PITPNM1: variants seen among roughly 807,000 people sequenced by gnomAD.
The protein encoded by PITPNM1 is phosphatidylinositol transfer protein membrane associated 1, also known as membrane-associated phosphatidylinositol transfer protein 1.
Under a neutral mutation model 133.3 loss-of-function variants are expected in PITPNM1, and 74 were observed. The ratio of observed to expected loss-of-function variants is 0.56; its 90% confidence interval spans 0.46 to 0.67. The LOEUF is 0.67. Among genes scored for constraint, PITPNM1 ranks in the 30% least tolerant of loss-of-function variants. The pLI is 0.00. For synonymous variants in PITPNM1, 738 were observed against 741.4 expected (o/e 1.00, Z 0.08); for missense variants, 1,398 against 1,739.5 (o/e 0.80, Z 3.49).
intron 7 of PITPNM1, 27 bp from the exon 8 acceptor site, chr11:67,499,857 G>A: frequency 1.3e-6 from 2 of 1,590,382 alleles, no homozygotes; most frequent in South Asian, 1.1e-5. Context: ...CTGTGTCATG[G>A]GGTGGGAGGA....
chr11:67,501,755 G>T, intron 5 of PITPNM1, 107 bp downstream of exon 5: 1 of 982,026 alleles, frequency 1.0e-6, no homozygotes, highest in Non-Finnish European at 1.5e-6. Context: ...AAATGGAAAC[G>T]ATGGCTTTCT....
intron 12 of PITPNM1, 100 bp from the exon 13 acceptor site, chr11:67,497,779 G>A: frequency 1.3e-6 from 2 of 1,526,272 alleles, no homozygotes; most frequent in Non-Finnish European, 8.9e-7. Flanking sequence ...GGGCAGAGCA[G>A]AATTCCAGAG....
Position 67,501,975 on chromosome 11 carries a change from C to T in PITPNM1, c.527G>A (p.Trp176Ter), listed in dbSNP as rs1193666308. 6 of 1,613,458 alleles carry T rather than the reference C, an allele frequency of 3.7e-6. No homozygotes were observed. The highest frequency in any genetic ancestry group is 5.1e-6 in the Non-Finnish European group (6 of 1,180,028). ...KTGRGPLSDD[W>*]ARTAAQTGPL... ...CCCCGTCTGTGCCGCCGTCCGTGCCCAGTCATCAGACAGTGGCCCTCGGCC... is the reference window on the plus strand; with the variant it reads ...CCCCGTCTGTGCCGCCGTCCGTGCCTAGTCATCAGACAGTGGCCCTCGGCC... The change falls in exon 5 of 24, where the codon TGG becomes TAG. Residue 176 changes from tryptophan to a stop codon, truncating the protein, a stop_gained. Coordinates refer to ENST00000356404, the MANE Select transcript of PITPNM1 (RefSeq NM_004910.3). LOFTEE classifies it high-confidence loss of function.
intron 15 of PITPNM1, 64 bp from the exon 16 acceptor site, chr11:67,495,666 G>T: frequency 7.0e-7 from 1 of 1,431,778 alleles, no homozygotes; most frequent in South Asian, 1.4e-5. Flanking sequence ...TCTCACCCAG[G>T]GCTCCCCGCA....
chr11:67,495,268 C>T, intron 16 of PITPNM1, 43 bp from the exon 17 acceptor site: 4 of 1,540,062 alleles, frequency 2.6e-6, no homozygotes, highest in East Asian at 2.3e-5. Flanking sequence ...TCCTGCCCCA[C>T]ACCCATCTGC....
chr11:67,497,430 C>CT lies in PITPNM1; in HGVS notation c.1946dup (p.Ala650GlyfsTer29). The stretch of plus-strand genomic sequence containing the variant: ...AGGAGGAGGTGGTTGCGGGGGCTGC[C>CT]TGAAGGCTGTGGGGGAGGAGGGGTG... On this transcript the variant is annotated frameshift_variant, in exon 14 of 24. Transcript: ENST00000356404. LOFTEE classifies it high-confidence loss of function. The CT allele has an allele frequency of 6.3e-7, 1 of 1,589,852 alleles. No homozygotes were observed. Among genetic ancestry groups the CT allele is most frequent in the Non-Finnish European group, 8.6e-7 (1 of 1,165,872 alleles).
chr11:67,492,698 G>A (rs996876993), intron 23 of PITPNM1, among the ~76,000 whole-genome samples: 1 of 152,260 alleles, frequency 6.6e-6, no homozygotes, highest in African/African-American at 2.4e-5. Context: ...AGCCATGGCC[G>A]AGTGGAACCA....
intron 18 of PITPNM1, 87 bp downstream of exon 18, chr11:67,494,759 G>A (rs1449499495): frequency 3.8e-6 from 3 of 784,570 alleles, no homozygotes; most frequent in African/African-American, 3.3e-5. Context: ...ACCCGAGGAG[G>A]GGGGTGCTGG....
chr11:67,498,329 G>A lies in PITPNM1; in HGVS notation c.1485-7C>T, dbSNP rs370713668. On this transcript the variant is annotated splice_region_variant and splice_polypyrimidine_tract_variant and intron_variant, in intron 10 of 23. Transcript: ENST00000356404. This position sits in a 1 kb window ranked among gnomAD's most constrained non-coding sequence, Gnocchi z 5.7. ...GTGGCTGTAAGGGCTCAGGCTGTAG[G>A]AGGGGGAAATGTGCGTGGGTGAGGG... 1.3e-6 allele frequency: 2 copies of A among 1,557,400 alleles called. No individual in the cohort carries two copies. The highest frequency in any genetic ancestry group is 2.4e-5 in the South Asian group (2 of 82,956).
In PITPNM1 at chr11:67,498,849, G is replaced by C; in HGVS notation, c.1234-3C>G. On this transcript the variant is annotated splice_polypyrimidine_tract_variant and splice_region_variant and intron_variant, in intron 9 of 23. Coordinates refer to ENST00000356404, the MANE Select transcript of PITPNM1 (RefSeq NM_004910.3). The surrounding 1 kb of genome is among the most constrained non-coding windows in gnomAD (Gnocchi z 5.7). Reference sequence around the variant, plus strand: ...AGCTCCCCGGCTCCATCCAGGCCCTGGGGGGAACAATGGGGTGCAGTGGGT... The same window carrying C: ...AGCTCCCCGGCTCCATCCAGGCCCTCGGGGGAACAATGGGGTGCAGTGGGT... 6.2e-7 allele frequency: 1 copy of C among 1,609,368 alleles called. No homozygotes were observed. The highest frequency in any genetic ancestry group is 8.5e-7 in the Non-Finnish European group (1 of 1,176,976).
intron 14 of PITPNM1, chr11:67,496,756 A>G: frequency 5.0e-6 from 1 of 200,944 alleles, no homozygotes; most frequent in Non-Finnish European, 9.9e-6. Flanking sequence ...CCAACATGGC[A>G]AAACCCTGTC....
At chr11:67,503,627 T>G (rs1333828454) in intron 2 of PITPNM1, among the ~76,000 whole-genome samples, 11 of 152,168 alleles carry the variant, frequency 7.2e-5, no homozygotes, top group Admixed American at 7.2e-4. Flanking sequence ...ACCCGGCCAC[T>G]GCTGAGGGCC....
rs1166888465 is a variant in PITPNM1, at chr11:67,502,191, C to T, written c.415+101G>A. On this transcript the variant is annotated intron_variant, in intron 4 of 23. Coordinates refer to ENST00000356404, the MANE Select transcript of PITPNM1 (RefSeq NM_004910.3). The surrounding 1 kb of genome is among the most constrained non-coding windows in gnomAD (Gnocchi z 5.9). The stretch of plus-strand genomic sequence containing the variant: ...AGTTCCCGTCCTTTTGCAGACAGGA[C>T]ATGAGGCCTGGAGAGGGCTGGGACT... The T allele has an allele frequency of 1.9e-6, 3 of 1,561,292 alleles. No individual in the cohort carries two copies. The highest frequency in any genetic ancestry group is 2.6e-6 in the Non-Finnish European group (3 of 1,148,264).
chr11:67,498,356 C>A lies in PITPNM1; in HGVS notation c.1485-34G>T. ...GGGGGAAATGTGCGTGGGTGAGGGG[C>A]TTCCAGACCCACTCCTGCCATCCAA... is the stretch of plus-strand genomic sequence containing the variant. On this transcript the variant is annotated intron_variant, in intron 10 of 23. Transcript: ENST00000356404. The surrounding 1 kb of genome is among the most constrained non-coding windows in gnomAD (Gnocchi z 5.7). 6.7e-7 allele frequency: 1 copy of A among 1,499,598 alleles called. No individual in the cohort carries two copies. Among genetic ancestry groups the A allele is most frequent in the African/African-American group, 1.4e-5 (1 of 72,328 alleles). 92.9% of individuals were successfully genotyped at this position (1,499,598 alleles called of 1,614,324 possible).
chr11:67,494,875 G>C lies in PITPNM1; in HGVS notation c.2713C>G (p.Gln905Glu), dbSNP rs2134279972. The C allele has an allele frequency of 6.2e-7, 1 of 1,612,848 alleles. No homozygotes were observed. The highest frequency in any genetic ancestry group is 2.2e-5 in the East Asian group (1 of 44,850). Residue 905 changes from glutamine to glutamate, a missense_variant, in exon 18 of 24, where the codon CAG becomes GAG. By Grantham distance (29) the Gln-to-Glu change is conservative (BLOSUM62 2). This residue lies in a region of PITPNM1 where 233 missense variants were observed against 378.0 expected (regional missense o/e 0.62). Transcript: ENST00000356404. ...ATCTTGACCTGCGTGCGTTTTCGCT[G>C]CCACTTCTCCCTGGGGAAGGCCGGG... is the stretch of plus-strand genomic sequence containing the variant. Reference protein sequence around the residue: ...YSPAFPREKWQRKRTQVKIRN... With the variant: ...YSPAFPREKWERKRTQVKIRN...
rs1457259426 is a variant in PITPNM1, at chr11:67,498,135, G to T, written c.1672C>A (p.Gln558Lys). ...RSPEGAGFCG[Q>K]VALIGDGVGG... ...ATGGACTGTCCCTAACCGCTGACCT[G>T]CCCACAGAAGCCGGCACCCTCAGGT... Residue 558 changes from glutamine (Q) to lysine (K), a missense_variant and splice_region_variant, in exon 11 of 24, where the codon CAG (glutamine) becomes AAG (lysine). This residue lies in a region of PITPNM1 where 574 missense variants were observed against 698.7 expected (regional missense o/e 0.82). Transcript: ENST00000356404. The surrounding 1 kb of genome is among the most constrained non-coding windows in gnomAD (Gnocchi z 5.7). 1.9e-6 allele frequency: 3 copies of T among 1,612,428 alleles called. No homozygotes were observed. Among genetic ancestry groups the T allele is most frequent in the Non-Finnish European group, 2.5e-6 (3 of 1,179,932 alleles).
chr11:67,502,079 G>C lies in PITPNM1; in HGVS notation c.423C>G (p.Ile141Met), dbSNP rs754928828. ...AERRQRILDT[I>M]DIVRDAVAPG... ...GGGCCACTGCATCCCGCACGATGTC[G>C]ATGGTGTCTGAGGGAGTTCGGCAAG... Residue 141 changes from isoleucine to methionine, a missense_variant, in exon 5 of 24, where the codon ATC (isoleucine) becomes ATG (methionine). By Grantham distance (10) the Ile-to-Met change is conservative. This residue lies in a region of PITPNM1 where 274 missense variants were observed against 360.7 expected (regional missense o/e 0.76). Coordinates refer to ENST00000356404, the MANE Select transcript of PITPNM1 (RefSeq NM_004910.3). The surrounding 1 kb of genome is among the most constrained non-coding windows in gnomAD (Gnocchi z 5.9). The C allele has an allele frequency of 6.2e-7, 1 of 1,611,652 alleles. No individual in the cohort carries two copies. The highest frequency in any genetic ancestry group is 1.7e-5 in the Admixed American group (1 of 59,986).
rs780429072 is a variant in PITPNM1 at position 67,496,302 on chromosome 11, G to A, written c.2193C>T (p.His731=). ...GGCGTGAGGCGCAGGGGTCAGCCGC[G>A]TGGAAGAGGTTGTAGATCTGTTCAC... ...PACEQIYNLF[H]AADPCASRLE... The change falls in exon 15 of 24, where the codon CAC becomes CAT. Residue 731 remains histidine, a synonymous_variant. Transcript: ENST00000356404. 7 of 1,583,522 alleles carry A rather than the reference G, an allele frequency of 4.4e-6. No homozygotes were observed. The highest frequency in any genetic ancestry group is 2.4e-5 in the East Asian group (1 of 41,738).
intron 15 of PITPNM1, among the ~76,000 whole-genome samples, 191 bp from the exon 16 acceptor site, chr11:67,495,793 G>A (rs1005334353): frequency 9.2e-5 from 14 of 152,160 alleles, no homozygotes; most frequent in Non-Finnish European, 2.1e-4. Flanking sequence ...TGTTGCCACC[G>A]CCCCAAACGC....
Sources: gnomAD v4.1 joint callset for allele counts (sites outside exome capture counted in the v4.1 genomes callset) on GRCh38, gnomAD v4.1.1 for gene constraint, gnomAD v4.1.1 regional missense constraint, Gnocchi (gnomAD v3.1) non-coding constraint, MANE v1.5 for transcripts, NCBI Gene and HGNC (gene_info 2026-07-23, HGNC 2026-07-21) for gene names.